The following METTL15 variants were observed in gnomAD, a reference collection of about 807,000 sequenced individuals.
METTL15 encodes 12S rRNA N(4)-cytidine methyltransferase METTL15.
METTL15 carries 34 observed loss-of-function variants against 38.3 expected under a neutral mutation model. The observed-to-expected ratio is 0.89, with a 90% CI of 0.68 to 1.18. METTL15 has a LOEUF of 1.18. METTL15 is among the 50% of genes most tolerant of loss of function. The pLI, the probability that METTL15 is intolerant of heterozygous loss-of-function variation, is 0.00. For synonymous variants in METTL15, 162 were observed against 170.9 expected (o/e 0.95, Z 0.41); for missense variants, 438 against 498.4 (o/e 0.88, Z 1.15).
At chr11:28,337,454 A>G (rs1849911219), downstream of METTL15, among the ~76,000 whole-genome samples, 1 of 151,980 alleles carries the variant, frequency 6.6e-6, no homozygotes, top group Non-Finnish European at 1.5e-5. Flanking sequence ...ACAATCAAGC[A>G]ATCCTCCCAC....
intron 5 of METTL15, among the ~76,000 whole-genome samples, chr11:28,365,818 G>C (rs1008217554): frequency 2.6e-5 from 4 of 152,192 alleles, no homozygotes; most frequent in Admixed American, 6.5e-5. Flanking sequence ...TTGGGAGGCT[G>C]AGGCGGGCAG....
At chr11:28,233,437 A>G (rs1853778322) in intron 4 of METTL15, among the ~76,000 whole-genome samples, 1 of 151,982 alleles carries the variant, frequency 6.6e-6, no homozygotes, top group Non-Finnish European at 1.5e-5. Context: ...TGTAACATCT[A>G]AATACTCATA....
At chr11:28,226,748 G>T (rs1022589059) in intron 4 of METTL15, among the ~76,000 whole-genome samples, 2 of 151,828 alleles carry the variant, frequency 1.3e-5, no homozygotes, top group Non-Finnish European at 2.9e-5. Flanking sequence ...CCTAAGGCCA[G>T]TGTAAAAATC....
intron 6 of METTL15, among the ~76,000 whole-genome samples, chr11:28,433,619 A>G (rs950209220): frequency 1.3e-5 from 2 of 152,134 alleles, no homozygotes; most frequent in African/African-American, 4.8e-5. Context: ...TGAGTGTTAG[A>G]TTTGATGATG....
rs568860389 is a variant in METTL15 at position 28,154,176 on chromosome 11, T to C, written c.270+40572T>C. 2.0e-5 allele frequency among the ~76,000 whole-genome samples: 3 copies of C among 152,240 alleles called. No homozygotes were observed. The South Asian group carries it at 6.2e-4, about 32-fold the overall frequency. On this transcript the variant is annotated intron_variant, in intron 3 of 6. Transcript: ENST00000407364. Reference sequence around the variant, plus strand: ...TGAAGGGGAGATTCTAGCATAGTGGTTAACAACACAGGCTGTGGAGCCAGA... The same window carrying C: ...TGAAGGGGAGATTCTAGCATAGTGGCTAACAACACAGGCTGTGGAGCCAGA...
At chr11:28,454,886 A>G (rs1851154601) in intron 6 of METTL15, among the ~76,000 whole-genome samples, 1 of 152,204 alleles carries the variant, frequency 6.6e-6, no homozygotes, top group Non-Finnish European at 1.5e-5. Flanking sequence ...TTTGGAAAGC[A>G]CAAGGGATGG....
At chr11:28,492,513 A>G (rs1463955356) in intron 6 of METTL15, among the ~76,000 whole-genome samples, 2 of 118,254 alleles carry the variant, frequency 1.7e-5, no homozygotes, top group Non-Finnish European at 3.5e-5. Flanking sequence ...AGAAAAGGCA[A>G]CTGGAGCCAC....
intron 4 of METTL15, among the ~76,000 whole-genome samples, chr11:28,227,167 T>C (rs184119351): frequency 3.9e-5 from 6 of 151,958 alleles, no homozygotes; most frequent in Admixed American, 2.6e-4. Flanking sequence ...GGAATATATG[T>C]TTATTCCATA....
chr11:28,125,044 G>A (rs1852415686), intron 3 of METTL15, among the ~76,000 whole-genome samples: 1 of 152,076 alleles, frequency 6.6e-6, no homozygotes, highest in Non-Finnish European at 1.5e-5. Context: ...GCCTGTTTTA[G>A]AAGTTAAATA....
chr11:28,448,563 C>T (rs1485959487), intron 6 of METTL15, among the ~76,000 whole-genome samples: 2 of 152,196 alleles, frequency 1.3e-5, no homozygotes, highest in Non-Finnish European at 1.5e-5. Context: ...CTGGGGTTAA[C>T]ATTGGTAGTT....
At chr11:28,374,104 T>C (rs1284976296) in intron 5 of METTL15, among the ~76,000 whole-genome samples, 13 of 152,078 alleles carry the variant, frequency 8.5e-5, no homozygotes, top group African/African-American at 2.9e-4. Context: ...TAGTGTGATG[T>C]CTCCAGCTTT....
intron 3 of METTL15, among the ~76,000 whole-genome samples, chr11:28,190,041 G>C (rs1360038840): frequency 6.6e-6 from 1 of 150,934 alleles, no homozygotes; most frequent in Admixed American, 6.6e-5. Flanking sequence ...GCTTTTAAGT[G>C]GTGATTATAC....
Position 28,296,758 on chromosome 11 carries a change from C to G in METTL15, c.605C>G (p.Pro202Arg). The G allele has an allele frequency of 6.2e-7, 1 of 1,612,934 alleles. No individual in the cohort carries two copies. Among genetic ancestry groups the G allele is most frequent in the Non-Finnish European group, 8.5e-7 (1 of 1,179,464 alleles). ...LDMRMDGGRY[P>R]DMPTAADVVN... The stretch of plus-strand genomic sequence containing the variant: ...TTGGCTCTTCTTGTGCGTAGGTACC[C>G]TGACATGCCCACTGCTGCTGATGTT... The change falls in exon 6 of 7, where the codon CCT becomes CGT. Residue 202 changes from proline (P) to arginine (R), a missense_variant. Physicochemically the swap from Pro to Arg is moderately radical, Grantham distance 103 (BLOSUM62 -2). Transcript: ENST00000407364.
chr11:28,159,271 G>A (rs897855840), intron 3 of METTL15, among the ~76,000 whole-genome samples: 4 of 152,012 alleles, frequency 2.6e-5, no homozygotes, highest in Non-Finnish European at 5.9e-5. Context: ...CTACTACGCC[G>A]CAACGGAGGT....
chr11:28,180,531 G>T (rs1381795099), intron 3 of METTL15, among the ~76,000 whole-genome samples: 1 of 151,738 alleles, frequency 6.6e-6, no homozygotes, highest in African/African-American at 2.4e-5. Flanking sequence ...ACTAAGAAGG[G>T]CCTGAAACCT....
chr11:28,328,262 C>A, intron 6 of METTL15: 1 of 1,202,064 alleles, frequency 8.3e-7, no homozygotes, highest in Non-Finnish European at 1.1e-6. Context: ...CTAACATTCT[C>A]CAGACTTTTG....
intron 6 of METTL15, among the ~76,000 whole-genome samples, chr11:28,310,381 C>T (rs1459083915): frequency 2.0e-5 from 3 of 152,044 alleles, no homozygotes; most frequent in Non-Finnish European, 2.9e-5. Context: ...CACACACGCA[C>T]GCACCCATGA....
intron 3 of METTL15, among the ~76,000 whole-genome samples, chr11:28,196,772 C>T (rs1851925008): frequency 6.6e-6 from 1 of 151,580 alleles, no homozygotes; most frequent in Non-Finnish European, 1.5e-5. Flanking sequence ...TTTAAGTCAA[C>T]TGGCCACTTT....
intron 3 of METTL15, among the ~76,000 whole-genome samples, chr11:28,347,027 A>G (rs924414510): frequency 6.6e-6 from 1 of 152,258 alleles, no homozygotes; most frequent in African/African-American, 2.4e-5. Flanking sequence ...CTAAGAGGAA[A>G]TTGATACTTA....
Sources: allele counts gnomAD v4.1 joint callset (sites outside exome capture counted in the v4.1 genomes callset), GRCh38; gene constraint gnomAD v4.1.1; transcripts MANE v1.5; gene names NCBI Gene and HGNC (gene_info 2026-07-23, HGNC 2026-07-21).